LSAMP: variants seen among roughly 807,000 people sequenced by gnomAD.
The protein encoded by LSAMP is limbic system associated membrane protein.
A neutral mutation model predicts 38.6 loss-of-function variants in LSAMP; 7 were observed. The ratio of observed to expected loss-of-function variants is 0.18; its 90% CI spans 0.10 to 0.34. The LOEUF (loss-of-function observed/expected upper bound fraction) is 0.34. Among genes scored for constraint, LSAMP ranks in the 10% least tolerant of loss-of-function variants. The probability of loss-of-function intolerance (pLI) is 1.00; values close to 1 mark genes in which losing one functional copy is unlikely to be tolerated. For synonymous variants in LSAMP, 154 were observed against 166.8 expected, an observed-to-expected ratio of 0.92 and a Z score of 0.59; for missense variants, 313 against 420.0, an observed-to-expected ratio of 0.75 and a Z score of 2.23.
In LSAMP at chr3:115,831,674, T is replaced by G. The variant is rs74821612; in HGVS notation, c.919+10171A>C. On this transcript the variant is annotated intron_variant, in intron 6 of 6. Coordinates refer to ENST00000490035, the MANE Select transcript of LSAMP (RefSeq NM_002338.5). ...AGCTGACTCTTTCCTCATTTTGCAA[T>G]TCAGTGGATTTTCTGCAGCAATATA... 3.3e-3 allele frequency among the ~76,000 whole-genome samples: 496 copies of G among 152,288 alleles called. 1 individual carries two copies. Among genetic ancestry groups the G allele is most frequent in the African/African-American group, 0.011 (438 of 41,562 alleles).
chr3:116,188,841 T>C (rs1710686541), intron 1 of LSAMP, among the ~76,000 whole-genome samples: 1 of 152,160 alleles, frequency 6.6e-6, no homozygotes, highest in Non-Finnish European at 1.5e-5. Flanking sequence ...GAAACTACGA[T>C]AGAAAGATGA....
At chr3:116,221,516 A>G (rs976314916) in intron 1 of LSAMP, among the ~76,000 whole-genome samples, 1 of 152,098 alleles carries the variant, frequency 6.6e-6, no homozygotes, top group Non-Finnish European at 1.5e-5. Flanking sequence ...GTAAAGTGAG[A>G]TAGATTGTCT....
rs57956951 is a variant in LSAMP at position 115,967,063 on chromosome 3, G to A, written c.514+52452C>T. Among the ~76,000 whole-genome samples the A allele has an allele frequency of 1.1e-4, 17 of 151,984 alleles. No individual in the cohort carries two copies. The South Asian group carries it at 1.7e-3, about 15-fold the overall frequency. ...TTTCTGCAGCCAGCTTGAATTTCTC[G>A]TCAGAAAATGGGTTTTTCTTTTCTA... On this transcript the variant is annotated intron_variant, in intron 3 of 6. Coordinates refer to ENST00000490035, the MANE Select transcript of LSAMP (RefSeq NM_002338.5).
At chr3:115,945,726 A>G (rs1215354228) in intron 3 of LSAMP, among the ~76,000 whole-genome samples, 1 of 152,168 alleles carries the variant, frequency 6.6e-6, no homozygotes, top group Non-Finnish European at 1.5e-5. Flanking sequence ...TTTAAGAAAA[A>G]AAAATTGTTT....
intron 1 of LSAMP, among the ~76,000 whole-genome samples, chr3:116,300,403 T>C (rs1366029726): frequency 6.6e-6 from 1 of 152,168 alleles, no homozygotes; most frequent in African/African-American, 2.4e-5. Flanking sequence ...AGAGGCCTTA[T>C]TGACAATGGG....
chr3:116,217,517 A>G (rs2046235056), intron 1 of LSAMP, among the ~76,000 whole-genome samples: 1 of 152,204 alleles, frequency 6.6e-6, no homozygotes, highest in Non-Finnish European at 1.5e-5. Context: ...TATGTTCTGC[A>G]CAGATATTAA....
intron 1 of LSAMP, among the ~76,000 whole-genome samples, chr3:116,271,714 A>C (rs948098758): frequency 8.5e-5 from 13 of 152,172 alleles, no homozygotes; most frequent in African/African-American, 3.1e-4. Context: ...TTTGTGGACA[A>C]GGCATAAAAT....
Position 115,805,534 on chromosome 3 carries a change from A to G in LSAMP, c.*4783T>C, listed in dbSNP as rs919818144. 6.6e-6 allele frequency: 1 copy of G among 152,202 alleles called. No individual in the cohort carries two copies. Among genetic ancestry groups the G allele is most frequent in the Non-Finnish European group, 1.5e-5 (1 of 68,016 alleles). 9.4% of individuals were successfully genotyped at this position (152,202 alleles called of 1,614,324 possible). A position where few individuals can be genotyped will look rare whatever the true frequency, so the allele number is the denominator to read the frequency against. On this transcript the variant is annotated 3_prime_UTR_variant, in exon 7 of 7. Coordinates refer to ENST00000490035, the MANE Select transcript of LSAMP (RefSeq NM_002338.5). ...ATTGGTGCCTAATTTATTAATCAGCACGCAGCATGTAAATGTGCTCAAAAG... is the reference window on the plus strand; with the variant it reads ...ATTGGTGCCTAATTTATTAATCAGCGCGCAGCATGTAAATGTGCTCAAAAG...
chr3:115,979,207 A>G (rs1402037119), intron 3 of LSAMP, among the ~76,000 whole-genome samples: 1 of 152,034 alleles, frequency 6.6e-6, no homozygotes, highest in African/African-American at 2.4e-5. Context: ...AGAGGGAAGA[A>G]AAAAAACAGA....
intron 1 of LSAMP, among the ~76,000 whole-genome samples, chr3:116,207,776 T>C (rs1442124499): frequency 6.6e-6 from 1 of 152,196 alleles, no homozygotes; most frequent in African/African-American, 2.4e-5. Flanking sequence ...AGAGATCAGC[T>C]GTTAGTCTGA....
chr3:116,135,622 T>C (rs1347976201), intron 1 of LSAMP, among the ~76,000 whole-genome samples: 6 of 152,160 alleles, frequency 3.9e-5, no homozygotes, highest in Admixed American at 3.3e-4. Context: ...AAATGACAGA[T>C]GTATTGTGTC....
rs554437087 is a variant in LSAMP at position 116,387,864 on chromosome 3, C to A, written c.155+57013G>T. On this transcript the variant is annotated intron_variant, in intron 1 of 6. Transcript: ENST00000490035. ...ATCCCAGCACTTTGGGAGGCTGAGG[C>A]GGGTGGATCACAAGGTCAGGAGATG... is the stretch of plus-strand genomic sequence containing the variant. Among the ~76,000 whole-genome samples, 4 of 151,886 alleles carry A rather than the reference C, an allele frequency of 2.6e-5. No homozygotes were observed. In the South Asian group the frequency reaches 8.3e-4, roughly 32 times the overall value.
At chr3:116,429,728 A>C (rs1171300012) in intron 1 of LSAMP, among the ~76,000 whole-genome samples, 1 of 152,190 alleles carries the variant, frequency 6.6e-6, no homozygotes. Context: ...CAAAAATTGC[A>C]GAGGGTCAAG....
At chr3:116,189,040 G>C (rs1412156754) in intron 1 of LSAMP, among the ~76,000 whole-genome samples, 1 of 152,136 alleles carries the variant, frequency 6.6e-6, no homozygotes, top group Non-Finnish European at 1.5e-5. Flanking sequence ...CGATAATAAA[G>C]ACCAACTAAT....
At chr3:116,283,988 A>T (rs1264340458) in intron 1 of LSAMP, among the ~76,000 whole-genome samples, 2 of 152,194 alleles carry the variant, frequency 1.3e-5, no homozygotes, top group African/African-American at 4.8e-5. Flanking sequence ...CCTGGGTGAT[A>T]GAGTGAGACT....
At chr3:116,139,799 T>C (rs1010541932) in intron 1 of LSAMP, among the ~76,000 whole-genome samples, 1 of 151,984 alleles carries the variant, frequency 6.6e-6, no homozygotes, top group Non-Finnish European at 1.5e-5. Context: ...TGCTCTCTGT[T>C]CTTTTGCTAG....
At position 116,143,311 on chromosome 3, in the gene LSAMP, A is replaced by T. The variant is rs531869187; in HGVS notation, c.156-56755T>A. Among the ~76,000 whole-genome samples, 5 of 152,058 alleles carry T rather than the reference A, an allele frequency of 3.3e-5. No individual in the cohort carries two copies. In the East Asian group the frequency reaches 5.8e-4, roughly 18 times the overall value. ...TTTATCTGTTTTCAAATATGTTTGC[A>T]TAGAGTTGTTTATTTGACACTCTTA... On this transcript the variant is annotated intron_variant, in intron 1 of 6. Transcript: ENST00000490035.
chr3:116,346,331 T>TA (rs2048063414), intron 1 of LSAMP, among the ~76,000 whole-genome samples: 1 of 151,422 alleles, frequency 6.6e-6, no homozygotes, highest in South Asian at 2.1e-4. Flanking sequence ...TTTTATCTTT[T>TA]TTTTTTTTTC....
rs998505092 is a variant in LSAMP at position 116,289,414 on chromosome 3, A to T, written c.155+155463T>A. Among the ~76,000 whole-genome samples, 3 of 151,816 alleles carry T rather than the reference A, an allele frequency of 2.0e-5. No individual in the cohort carries two copies. In the East Asian group the frequency reaches 5.8e-4, roughly 29 times the overall value. ...TCTACCTGTATTTAACTTAGAACAA[A>T]TTTTTTTTTCAAGAAAACAGAATAT... is the stretch of plus-strand genomic sequence containing the variant. On this transcript the variant is annotated intron_variant, in intron 1 of 6. Transcript: ENST00000490035.
Sources: allele counts gnomAD v4.1 joint callset (sites outside exome capture counted in the v4.1 genomes callset), GRCh38; gene constraint gnomAD v4.1.1; transcripts MANE v1.5; gene names NCBI Gene and HGNC (gene_info 2026-07-23, HGNC 2026-07-21).